The following STPG2 variants were observed in gnomAD, a reference collection of about 807,000 sequenced individuals.
The protein encoded by STPG2 is sperm-tail PG-rich repeat-containing protein 2.
Under a neutral mutation model 54.2 loss-of-function variants are expected in STPG2, and 56 were observed. The ratio of observed to expected loss-of-function variants is 1.03; its 90% CI spans 0.83 to 1.29. The LOEUF is 1.29. Among genes scored for constraint, STPG2 ranks in the 50% most tolerant of loss-of-function variants. STPG2 has a pLI of 0.00. For synonymous variants in STPG2, 200 were observed against 181.8 expected (o/e 1.10, Z -0.81); for missense variants, 596 against 544.9 (o/e 1.09, Z -0.93).
intron 7 of STPG2, among the ~76,000 whole-genome samples, chr4:97,965,619 T>C (rs1235349813): frequency 1.3e-5 from 2 of 152,158 alleles, no homozygotes; most frequent in African/African-American, 4.8e-5. Flanking sequence ...TACAGGCTGG[T>C]GCCCCTCTGG....
chr4:98,036,624 G>A (rs114460391), intron 5 of STPG2, among the ~76,000 whole-genome samples: 2,432 of 151,866 alleles, frequency 0.016, 62 homozygotes, highest in African/African-American at 0.056. Flanking sequence ...CATGGACACC[G>A]AGAGGAACAA....
intron 9 of STPG2, among the ~76,000 whole-genome samples, chr4:97,758,830 G>A (rs1234138948): frequency 6.6e-6 from 1 of 151,894 alleles, no homozygotes; most frequent in African/African-American, 2.4e-5. Context: ...TTTTGTTCTG[G>A]CATTTCAGAT....
At chr4:97,930,517 T>C (rs1732503635) in intron 8 of STPG2, among the ~76,000 whole-genome samples, 1 of 152,146 alleles carries the variant, frequency 6.6e-6, no homozygotes, top group African/African-American at 2.4e-5. Context: ...TGGTCTCTCT[T>C]TTTTGTTCCA....
chr4:97,451,900 C>A (rs1172610028), intron 4 of STPG2, among the ~76,000 whole-genome samples: 1 of 152,134 alleles, frequency 6.6e-6, no homozygotes, highest in African/African-American at 2.4e-5. Flanking sequence ...GTGATGGCAG[C>A]AGCTGCTCCA....
chr4:97,736,455 T>C (rs2149031241), intron 9 of STPG2, among the ~76,000 whole-genome samples: 2 of 152,206 alleles, frequency 1.3e-5, no homozygotes, highest in South Asian at 4.1e-4. Flanking sequence ...CCTTTCCTAG[T>C]CAAAGAAAGG....
At chr4:98,000,961 AG>A (rs1481414568) in intron 5 of STPG2, among the ~76,000 whole-genome samples, 1 of 152,172 alleles carries the variant, frequency 6.6e-6, no homozygotes, top group African/African-American at 2.4e-5. Flanking sequence ...GTAAGCTGCT[AG>A]GTTTTACTGT....
At chr4:97,559,165 A>G (rs746930323) in intron 10 of STPG2, 48 bp from the exon 11 acceptor site, 1 of 1,196,006 alleles carries the variant, frequency 8.4e-7, no homozygotes. Flanking sequence ...CTACTTACAA[A>G]AAGAAAAATA....
intron 8 of STPG2, among the ~76,000 whole-genome samples, chr4:97,854,694 C>T (rs1345419383): frequency 2.0e-5 from 3 of 151,908 alleles, no homozygotes; most frequent in Non-Finnish European, 4.4e-5. Flanking sequence ...AATGTATGTC[C>T]ATTCAATCCA....
intron 9 of STPG2, among the ~76,000 whole-genome samples, chr4:97,827,390 C>A (rs1382221490): frequency 6.6e-6 from 1 of 151,976 alleles, no homozygotes; most frequent in Non-Finnish European, 1.5e-5. Flanking sequence ...CGCCCACCAC[C>A]ATGTCCGGAT....
intron 4 of STPG2, among the ~76,000 whole-genome samples, chr4:97,493,853 G>A (rs918873903): frequency 6.6e-6 from 1 of 151,468 alleles, no homozygotes; most frequent in Non-Finnish European, 1.5e-5. Context: ...AACTACCCTA[G>A]TGAAAAAGGA....
chr4:97,871,473 A>C (rs1729988252), intron 8 of STPG2, among the ~76,000 whole-genome samples: 1 of 151,092 alleles, frequency 6.6e-6, no homozygotes, highest in Non-Finnish European at 1.5e-5. Context: ...ACAGGGAAAT[A>C]ATTATTGAAT....
intron 4 of STPG2, among the ~76,000 whole-genome samples, chr4:97,487,914 A>T (rs1730407480): frequency 6.6e-6 from 1 of 151,530 alleles, no homozygotes; most frequent in African/African-American, 2.4e-5. Context: ...ATTTATTTTA[A>T]TTATATAATA....
chr4:98,008,790 T>A (rs1276193316), intron 5 of STPG2, among the ~76,000 whole-genome samples: 1 of 152,004 alleles, frequency 6.6e-6, no homozygotes, highest in African/African-American at 2.4e-5. Flanking sequence ...TGGAGTGAAT[T>A]AAAAAAGCAT....
chr4:97,774,905 C>T (rs1726328323), intron 9 of STPG2, among the ~76,000 whole-genome samples: 1 of 152,202 alleles, frequency 6.6e-6, no homozygotes, highest in Non-Finnish European at 1.5e-5. Flanking sequence ...AGTGCATCCT[C>T]TGCCAGCTGT....
intron 7 of STPG2, among the ~76,000 whole-genome samples, chr4:97,958,555 C>G (rs1733773131): frequency 6.6e-6 from 1 of 152,148 alleles, no homozygotes. Context: ...AAAAGACACT[C>G]CATGCAAATG....
chr4:98,087,760 C>G (rs1273116537), intron 5 of STPG2, among the ~76,000 whole-genome samples: 2 of 151,998 alleles, frequency 1.3e-5, no homozygotes, highest in African/African-American at 4.8e-5. Context: ...CGGGGTTTCA[C>G]CGTGTTAGCC....
chr4:98,120,254 T>C (rs887521351), intron 3 of STPG2, among the ~76,000 whole-genome samples: 2 of 152,078 alleles, frequency 1.3e-5, no homozygotes, highest in East Asian at 1.9e-4. Context: ...CTAATGTTTG[T>C]ATTTTTAGTA....
In STPG2 at chr4:97,866,283, C is replaced by T. The variant is rs559490229; in HGVS notation, c.1045-25351G>A. ...TGTCCATAACAAAAAAGGATAAATG[C>T]TTGATGTGATAAATACCTCACTTAC... On this transcript the variant is annotated intron_variant, in intron 8 of 10. Transcript: ENST00000295268. 2.6e-4 allele frequency among the ~76,000 whole-genome samples: 40 copies of T among 151,966 alleles called. No individual in the cohort carries two copies. The South Asian group carries it at 7.9e-3, about 30-fold the overall frequency.
chr4:97,844,913 GTTAA>G (rs1443897888), intron 8 of STPG2, among the ~76,000 whole-genome samples: 10 of 151,704 alleles, frequency 6.6e-5, no homozygotes, highest in Admixed American at 6.6e-4. Context: ...CTATCTTTCA[GTTAA>G]TTAATTATGT....
Sources: allele counts gnomAD v4.1 joint callset (sites outside exome capture counted in the v4.1 genomes callset), GRCh38; gene constraint gnomAD v4.1.1; transcripts MANE v1.5; gene names NCBI Gene and HGNC (gene_info 2026-07-23, HGNC 2026-07-21).